The following TYMS variants were observed in gnomAD, a reference collection of about 807,000 sequenced individuals.
TYMS encodes the protein thymidylate synthetase.
Under a neutral mutation model 39.3 loss-of-function variants are expected in TYMS, and 21 were observed. The observed-to-expected ratio is 0.54, with a 90% CI of 0.38 to 0.77. The LOEUF (loss-of-function observed/expected upper bound fraction) is 0.77, where lower values mean the gene tolerates loss of function less well. Among genes scored for constraint, TYMS ranks in the 30% least tolerant of loss-of-function variants. The probability of loss-of-function intolerance (pLI) is 0.00; values close to 1 mark genes in which losing one functional copy is unlikely to be tolerated. For synonymous variants in TYMS, 171 were observed against 162.2 expected (o/e 1.05, Z -0.41); for missense variants, 273 against 406.7 (o/e 0.67, Z 2.83).
At chr18:663,018 T>C (rs1381526981) in intron 3 of TYMS, among the ~76,000 whole-genome samples, 1 of 141,414 alleles carries the variant, frequency 7.1e-6, no homozygotes, top group Non-Finnish European at 1.5e-5. Flanking sequence ...AATAGTCCTT[T>C]GGGTATATAC....
rs2074712826 is a variant in TYMS, at chr18:658,196, G to GC, written c.205+251dup. ...TAAGCCGCGTCCCAGCGGCTCCGCG[G>GC]CCGGGCTCGCAGTCGCCCCAGTGAT... On this transcript the variant is annotated intron_variant, in intron 1 of 6. Coordinates refer to ENST00000323274, the MANE Select transcript of TYMS (RefSeq NM_001071.4). This position sits in a 1 kb window ranked among gnomAD's most constrained non-coding sequence, Gnocchi z 4.5. 2 of 1,537,486 alleles carry GC rather than the reference G, an allele frequency of 1.3e-6. No homozygotes were observed. The highest frequency in any genetic ancestry group is 8.8e-7 in the Non-Finnish European group (1 of 1,138,610).
intron 3 of TYMS, 125 bp from the exon 4 acceptor site, chr18:668,947 T>C (rs1380918646): frequency 3.0e-6 from 2 of 671,552 alleles, no homozygotes; most frequent in East Asian, 5.6e-5. Context: ...ATGCACCAGA[T>C]GTCTTGTAGC....
intron 3 of TYMS, among the ~76,000 whole-genome samples, chr18:664,313 CTGTT>C (rs1256287376): frequency 2.7e-5 from 4 of 150,332 alleles, no homozygotes; most frequent in African/African-American, 7.4e-5. Flanking sequence ...ATTTGGCTCT[CTGTT>C]TGTCTGTTAT....
rs760202223 is a variant in TYMS, at chr18:657,656, TGG to T, written c.-86_-85del. The stretch of plus-strand genomic sequence containing the variant: ...GAAGGGGTCCTGCCACCGCGCCACT[TGG>T]CCTGCCTCCGTCCCGCCGCGCCACT... On this transcript the variant is annotated 5_prime_UTR_variant, in exon 1 of 7. Coordinates refer to ENST00000323274, the MANE Select transcript of TYMS (RefSeq NM_001071.4). 0.023 allele frequency: 7,771 copies of T among 339,586 alleles called. 111 individuals are homozygous for T. Among genetic ancestry groups the T allele is most frequent in the Non-Finnish European group, 0.029 (7,047 of 247,218 alleles). 21.0% of individuals were successfully genotyped at this position (339,586 alleles called of 1,614,324 possible).
intron 2 of TYMS, among the ~76,000 whole-genome samples, chr18:661,854 G>A (rs181999041): frequency 5.1e-4 from 78 of 152,310 alleles, no homozygotes; most frequent in South Asian, 1.7e-3. Context: ...GTGTAGTGGC[G>A]CATGCCTGTA....
intron 5 of TYMS, 172 bp from the exon 6 acceptor site, chr18:671,208 T>C: frequency 3.2e-6 from 2 of 631,756 alleles, no homozygotes. Flanking sequence ...TGGAGTTCAA[T>C]ACCAGCCTGG....
rs923924359 is a variant in TYMS, at chr18:673,096, G to C, written c.*99G>C. 5.1e-5 allele frequency: 68 copies of C among 1,327,492 alleles called. No homozygotes were observed. The highest frequency in any genetic ancestry group is 5.8e-5 in the Non-Finnish European group (58 of 993,122). The allele number at this position is 1,327,492 out of a possible 1,614,324, so 82.2% of individuals were successfully genotyped here. ...TTTGCTCTAAAAGAAAAAGGAACTA[G>C]GTCAAAAATCTGTCCGTGACCTATC... On this transcript the variant is annotated 3_prime_UTR_variant, in exon 7 of 7. Coordinates refer to ENST00000323274, the MANE Select transcript of TYMS (RefSeq NM_001071.4).
chr18:661,784 G>A (rs765605786), intron 2 of TYMS, among the ~76,000 whole-genome samples: 4 of 152,200 alleles, frequency 2.6e-5, no homozygotes, highest in Non-Finnish European at 4.4e-5. Context: ...TCAGGAGTTC[G>A]AGGCCAGCCT....
chr18:668,215 C>T (rs1047027334), intron 3 of TYMS, among the ~76,000 whole-genome samples: 1 of 151,656 alleles, frequency 6.6e-6, no homozygotes, highest in Non-Finnish European at 1.5e-5. Context: ...CAGAACTACA[C>T]TACCAAGGTT....
In TYMS at chr18:670,840, CAT is replaced by C; in HGVS notation, c.706_707del (p.Met236AspfsTer11). On this transcript the variant is annotated frameshift_variant, in exon 5 of 7. Transcript: ENST00000323274. LOFTEE classifies it high-confidence loss of function. ...NIASYALLTY[M>X]IAHITGLKPG... ...TCGCCAGCTACGCCCTGCTCACGTA[CAT>C]GATTGCGCACATCACGGGCCTGAAG... is the stretch of plus-strand genomic sequence containing the variant. The C allele has an allele frequency of 6.2e-7, 1 of 1,614,062 alleles. No homozygotes were observed. The highest frequency in any genetic ancestry group is 8.5e-7 in the Non-Finnish European group (1 of 1,179,998).
chr18:667,617 G>GGCGATGGCGATGGCGATGGCGATGGAGAT (rs201838394), intron 3 of TYMS: 1 of 46,618 alleles, frequency 2.1e-5, no homozygotes, highest in African/African-American at 1.4e-4. Context: ...TGATGGAGAT[G>GGCGATGGCGATGGCGATGGCGATGGAGAT]GGTGATGGTG....
chr18:669,365 GATT>G, intron 4 of TYMS, 192 bp downstream of exon 4: 5 of 340,436 alleles, frequency 1.5e-5, no homozygotes, highest in East Asian at 4.1e-5. Flanking sequence ...GGGCCCAGAG[GATT>G]TTTTTTTTTT....
At chr18:666,189 G>A (rs1341238000) in intron 3 of TYMS, among the ~76,000 whole-genome samples, 1 of 150,718 alleles carries the variant, frequency 6.6e-6, no homozygotes, top group Non-Finnish European at 1.5e-5. Context: ...CTTACTGGGC[G>A]CTTGGCACTT....
At chr18:670,994 A>G in intron 5 of TYMS, 127 bp downstream of exon 5, 1 of 1,209,032 alleles carries the variant, frequency 8.3e-7, no homozygotes. Context: ...TGTAAGTAAG[A>G]AATGAACCAG....
intron 1 of TYMS, among the ~76,000 whole-genome samples, chr18:659,436 A>C (rs1029412127): frequency 6.6e-6 from 1 of 152,182 alleles, no homozygotes; most frequent in African/African-American, 2.4e-5. Flanking sequence ...ACCGGGGCAC[A>C]GAAGTGCTGT....
chr18:664,255 A>G (rs1310525773), intron 3 of TYMS, among the ~76,000 whole-genome samples: 1 of 151,520 alleles, frequency 6.6e-6, no homozygotes, highest in Non-Finnish European at 1.5e-5. Flanking sequence ...GTGGATTCCT[A>G]GGTATTTTAT....
Position 657,656 on chromosome 18 carries a change from TGGCCTGCCTCCGTCCCGCCGCGCCA to T in TYMS, c.-86_-62del, listed in dbSNP as rs2074698102. On this transcript the variant is annotated 5_prime_UTR_variant, in exon 1 of 7. Transcript: ENST00000323274. ...GAAGGGGTCCTGCCACCGCGCCACTTGGCCTGCCTCCGTCCCGCCGCGCCACTTGGCCTGCCTCCGTCCCGCCGCG... is the reference window on the plus strand; with the variant it reads ...GAAGGGGTCCTGCCACCGCGCCACTTCTTGGCCTGCCTCCGTCCCGCCGCG... 3 of 339,624 alleles carry T rather than the reference TGGCCTGCCTCCGTCCCGCCGCGCCA, an allele frequency of 8.8e-6. No individual in the cohort carries two copies. Among genetic ancestry groups the T allele is most frequent in the Non-Finnish European group, 1.2e-5 (3 of 247,252 alleles). The allele number at this position is 339,624 out of a possible 1,614,324, so 21.0% of individuals were successfully genotyped here.
chr18:671,990 G>T (rs563730327), intron 6 of TYMS: 2 of 153,228 alleles, frequency 1.3e-5, no homozygotes, highest in African/African-American at 4.8e-5. Flanking sequence ...ATGTTGGCCA[G>T]GCTAGTCTCA....
chr18:672,536 G>C (rs1432730016), intron 6 of TYMS: 1 of 184,358 alleles, frequency 5.4e-6, no homozygotes, highest in Admixed American at 5.7e-5. Flanking sequence ...AGTAAACGTA[G>C]AGCTACTATG....
Sources: gnomAD v4.1 joint callset for allele counts (sites outside exome capture counted in the v4.1 genomes callset) on GRCh38, gnomAD v4.1.1 for gene constraint, Gnocchi (gnomAD v3.1) non-coding constraint, MANE v1.5 for transcripts, NCBI Gene and HGNC (gene_info 2026-07-23, HGNC 2026-07-21) for gene names.